Variants in ST18 observed in about 807,000 individuals in gnomAD.
ST18 encodes the protein suppression of tumorigenicity 18 protein.
Under a neutral mutation model 110.0 loss-of-function variants are expected in ST18, and 50 were observed. That is an observed-to-expected ratio of 0.45 (90% CI 0.36 to 0.58). The LOEUF is 0.58. ST18 is among the 20% of genes least tolerant of loss of function. The pLI is 0.00. For synonymous variants in ST18, 461 were observed against 452.4 expected, an observed-to-expected ratio of 1.02 and a Z score of -0.24; for missense variants, 1,306 against 1,280.1, an observed-to-expected ratio of 1.02 and a Z score of -0.31.
At chr8:52,202,479 A>T (rs2078346920) in intron 8 of ST18, among the ~76,000 whole-genome samples, 1 of 152,248 alleles carries the variant, frequency 6.6e-6, no homozygotes, top group African/African-American at 2.4e-5. Flanking sequence ...GTAAAGCCGA[A>T]GGCAGAGAAT....
At chr8:52,144,499 C>T (rs976248155) in intron 16 of ST18, among the ~76,000 whole-genome samples, 1 of 152,034 alleles carries the variant, frequency 6.6e-6, no homozygotes, top group African/African-American at 2.4e-5. Context: ...TAATTTTTTT[C>T]ATTAATTACT....
intron 9 of ST18, among the ~76,000 whole-genome samples, chr8:52,178,643 AC>A (rs1293035415): frequency 0.014 from 1,266 of 91,614 alleles, 498 homozygotes; most frequent in Non-Finnish European, 0.021. Context: ...AAAAAAAAAA[AC>A]CACCAAAAAC....
At chr8:52,379,341 AC>A (rs1833646867) in intron 2 of ST18, among the ~76,000 whole-genome samples, 1 of 150,508 alleles carries the variant, frequency 6.6e-6, no homozygotes, top group Admixed American at 6.6e-5. Context: ...CAAGTGAACC[AC>A]CTGCCTTGGC....
At chr8:52,126,489 A>G (rs575665718) in intron 22 of ST18, among the ~76,000 whole-genome samples, 1 of 152,348 alleles carries the variant, frequency 6.6e-6, no homozygotes, top group East Asian at 1.9e-4. Context: ...GAAATTGTAC[A>G]TATATATTAT....
At chr8:52,168,334 G>A (rs2063681298) in intron 10 of ST18, among the ~76,000 whole-genome samples, 1 of 151,138 alleles carries the variant, frequency 6.6e-6, no homozygotes. Flanking sequence ...GCGTGCGAGG[G>A]TGCGGAGCCT....
intron 2 of ST18, among the ~76,000 whole-genome samples, chr8:52,307,524 C>T (rs951307028): frequency 6.6e-6 from 1 of 151,920 alleles, no homozygotes; most frequent in Non-Finnish European, 1.5e-5. Context: ...TAGATTTTTC[C>T]TCACCCACTG....
At chr8:52,401,708 G>A (rs1047674155) in intron 2 of ST18, among the ~76,000 whole-genome samples, 2 of 151,870 alleles carry the variant, frequency 1.3e-5, no homozygotes, top group African/African-American at 2.4e-5. Flanking sequence ...ATCATGAATT[G>A]TTTTCCTAAT....
chr8:52,135,507 C>T (rs575869998), intron 19 of ST18, among the ~76,000 whole-genome samples: 66 of 144,382 alleles, frequency 4.6e-4, no homozygotes, highest in African/African-American at 1.7e-3. Flanking sequence ...TTGCAGTGAG[C>T]CGAGACTGTG....
intron 5 of ST18, among the ~76,000 whole-genome samples, chr8:52,220,365 T>A (rs574636006): frequency 6.6e-6 from 1 of 152,234 alleles, no homozygotes; most frequent in Non-Finnish European, 1.5e-5. Context: ...TAAAACATTG[T>A]GCTTTTAAAA....
rs531485312 is a variant in ST18 at position 52,340,485 on chromosome 8, G to A, written c.-465+68843C>T. ...GTGGCTCTATGACCACACGGACAAA[G>A]TGCAGAAGAGCCACATTTTAATGTT... On this transcript the variant is annotated intron_variant, in intron 2 of 25. Coordinates refer to ENST00000689386, the MANE Select transcript of ST18 (RefSeq NM_001352837.2). Among the ~76,000 whole-genome samples, 58 of 152,300 alleles carry A rather than the reference G, an allele frequency of 3.8e-4. No homozygotes were observed. In the South Asian group the frequency reaches 0.01, roughly 27 times the overall value.
chr8:52,351,548 T>G (rs1409283949), intron 2 of ST18, among the ~76,000 whole-genome samples: 1 of 152,236 alleles, frequency 6.6e-6, no homozygotes, highest in Non-Finnish European at 1.5e-5. Flanking sequence ...AACAGCATCT[T>G]TTCTATTTGC....
At position 52,408,765 on chromosome 8, in the gene ST18, G is replaced by A. The variant is rs183364079; in HGVS notation, c.-465+563C>T. On this transcript the variant is annotated intron_variant, in intron 2 of 25. Transcript: ENST00000689386. ...TCTTATGGCTCAAAGAAAGAACCAT[G>A]AAGTTTGATTCCTCAGTGCCTGTAT... Among the ~76,000 whole-genome samples, 1,289 of 152,272 alleles carry A rather than the reference G, an allele frequency of 8.5e-3. 9 individuals are homozygous for A. The highest frequency in any genetic ancestry group is 0.014 in the Middle Eastern group (4 of 294).
chr8:52,403,401 G>C (rs950404524), intron 2 of ST18: 1 of 152,298 alleles, frequency 6.6e-6, no homozygotes, highest in Non-Finnish European at 1.5e-5. Flanking sequence ...ACTCCAGGCA[G>C]CTCCCCAAGC....
intron 2 of ST18, among the ~76,000 whole-genome samples, chr8:52,309,520 CAAAAAAAA>C (rs756214451): frequency 5.8e-4 from 22 of 37,762 alleles, no homozygotes; most frequent in East Asian, 4.4e-3. Flanking sequence ...GACTCCATCT[CAAAAAAAA>C]AAAAAAAAAA....
At chr8:52,245,659 A>G (rs1039471322) in intron 2 of ST18, among the ~76,000 whole-genome samples, 6 of 152,266 alleles carry the variant, frequency 3.9e-5, no homozygotes, top group African/African-American at 1.2e-4. Context: ...CTTTATTAGA[A>G]TAGTATCAAT....
intron 19 of ST18, among the ~76,000 whole-genome samples, 165 bp from the exon 20 acceptor site, chr8:52,133,466 G>A (rs1427310582): frequency 6.6e-6 from 1 of 152,116 alleles, no homozygotes; most frequent in Non-Finnish European, 1.5e-5. Flanking sequence ...TAAAAACAAA[G>A]AGCTGCTTTC....
At chr8:52,181,005 T>C (rs1481669316) in intron 8 of ST18, among the ~76,000 whole-genome samples, 6 of 152,234 alleles carry the variant, frequency 3.9e-5, no homozygotes, top group Non-Finnish European at 8.8e-5. Context: ...CCTGTTCTCA[T>C]ATGGTTTTAT....
At chr8:52,325,081 T>C (rs955985402) in intron 2 of ST18, among the ~76,000 whole-genome samples, 13 of 152,146 alleles carry the variant, frequency 8.5e-5, no homozygotes, top group Admixed American at 7.2e-4. Flanking sequence ...AACATCACCT[T>C]GTGAAAATTA....
intron 2 of ST18, among the ~76,000 whole-genome samples, chr8:52,240,021 T>C (rs1165863775): frequency 2.0e-5 from 3 of 152,160 alleles, no homozygotes; most frequent in Non-Finnish European, 1.5e-5. Context: ...CTCGAACTGC[T>C]GGGCTCAAGA....
Sources: allele counts gnomAD v4.1 joint callset (sites outside exome capture counted in the v4.1 genomes callset), GRCh38; gene constraint gnomAD v4.1.1; transcripts MANE v1.5; gene names NCBI Gene and HGNC (gene_info 2026-07-23, HGNC 2026-07-21).